OR7D2: variants seen among roughly 807,000 people sequenced by gnomAD.
OR7D2 encodes olfactory receptor 7D2.
For synonymous variants in OR7D2, 158 were observed against 158.7 expected, an observed-to-expected ratio of 1.00 and a Z score of 0.03; for missense variants, 370 against 384.1, an observed-to-expected ratio of 0.96 and a Z score of 0.31.
chr19:9,184,647 C>G (rs188181425), intron 2 of OR7D2, among the ~76,000 whole-genome samples: 260 of 152,150 alleles, frequency 1.7e-3, no homozygotes, highest in African/African-American at 6.2e-3. Flanking sequence ...GATATGGAAA[C>G]AACCTAAGTG....
At chr19:9,184,119 T>C (rs1447265295) in intron 2 of OR7D2, among the ~76,000 whole-genome samples, 2 of 148,068 alleles carry the variant, frequency 1.4e-5, no homozygotes, top group Non-Finnish European at 3.0e-5. Context: ...AGAGGCCGGG[T>C]GTGGTGGCTT....
chr19:9,181,428 T>C (rs939100451), intron 2 of OR7D2, among the ~76,000 whole-genome samples: 1 of 149,172 alleles, frequency 6.7e-6, no homozygotes, highest in Non-Finnish European at 1.5e-5. Context: ...TCCTTTAATC[T>C]GGAACATTTC....
chr19:9,186,278 T>G lies in OR7D2; in HGVS notation c.497T>G (p.Leu166Arg). The change falls in exon 3 of 3, where the codon CTA (leucine) becomes CGA (arginine). Residue 166 changes from leucine (L) to arginine (R), a missense_variant. Transcript: ENST00000641288. Reference protein sequence around the residue: ...SLLHISLMMHLIFCKDFEIPH... With the variant: ...SLLHISLMMHRIFCKDFEIPH... ...CTCCATATTTCTCTGATGATGCATC[T>G]AATCTTCTGTAAAGATTTTGAAATT... The G allele has an allele frequency of 6.2e-7, 1 of 1,614,130 alleles. No individual in the cohort carries two copies. The highest frequency in any genetic ancestry group is 1.1e-5 in the South Asian group (1 of 91,076).
At chr19:9,182,488 C>CTTTATTTATTTA (rs145113847) in intron 2 of OR7D2, 13,985 of 226,704 alleles carry the variant, frequency 0.062, 719 homozygotes, top group Non-Finnish European at 0.065. Flanking sequence ...TACATGCATA[C>CTTTATTTATTTA]TTTATTTATT....
chr19:9,183,250 C>T (rs942480455), intron 2 of OR7D2, among the ~76,000 whole-genome samples: 3 of 152,098 alleles, frequency 2.0e-5, no homozygotes, highest in Non-Finnish European at 4.4e-5. Flanking sequence ...GGGTCAGAGC[C>T]GCTTTCTGTG....
At chr19:9,184,160 C>T (rs998340430) in intron 2 of OR7D2, among the ~76,000 whole-genome samples, 6 of 151,730 alleles carry the variant, frequency 4.0e-5, no homozygotes, top group Non-Finnish European at 7.4e-5. Flanking sequence ...TTTGGGAGGC[C>T]AAGGCGGGTG....
At position 9,186,918 on chromosome 19, in the gene OR7D2, G is replaced by A; in HGVS notation, c.*198G>A. 2.1e-6 allele frequency: 1 copy of A among 467,572 alleles called. No individual in the cohort carries two copies. The highest frequency in any genetic ancestry group is 3.5e-5 in the East Asian group (1 of 28,394). The allele number at this position is 467,572 out of a possible 1,614,324, so 29.0% of individuals were successfully genotyped here. A position where few individuals can be genotyped will look rare whatever the true frequency, so the allele number is the denominator to read the frequency against. ...CAATTACCTGAATAGTGAACATAAG[G>A]CACTTTTTTTTCTTTTTTGAGACGG... On this transcript the variant is annotated 3_prime_UTR_variant, in exon 3 of 3. Transcript: ENST00000641288.
intron 2 of OR7D2, 152 bp from the exon 3 acceptor site, chr19:9,185,616 CT>C: frequency 2.4e-6 from 1 of 411,866 alleles, no homozygotes; most frequent in Non-Finnish European, 4.3e-6. Context: ...ACAGTTCTCC[CT>C]CTATTGCCCA....
In OR7D2 at chr19:9,184,275, G is replaced by A. The variant is rs575006568; in HGVS notation, c.-13-1494G>A. Among the ~76,000 whole-genome samples, 11 of 152,058 alleles carry A rather than the reference G, an allele frequency of 7.2e-5. No homozygotes were observed. The East Asian group carries it at 1.7e-3, about 24-fold the overall frequency. ...CAAAAAATACAAAAATTAGCTAGGCGTGGTGGCACATACCTGTAATCCCAG... is the reference window on the plus strand; with the variant it reads ...CAAAAAATACAAAAATTAGCTAGGCATGGTGGCACATACCTGTAATCCCAG... On this transcript the variant is annotated intron_variant, in intron 2 of 2. Transcript: ENST00000641288.
chr19:9,185,726 G>A (rs2051025267), intron 2 of OR7D2, 43 bp from the exon 3 acceptor site: 2 of 1,243,716 alleles, frequency 1.6e-6, no homozygotes, highest in Admixed American at 2.3e-5. Context: ...TGGGACTACA[G>A]GTGTCCACCA....
At position 9,186,359 on chromosome 19, in the gene OR7D2, T is replaced by C; in HGVS notation, c.578T>C (p.Phe193Ser). 1.9e-6 allele frequency: 3 copies of C among 1,614,048 alleles called. No individual in the cohort carries two copies. Among genetic ancestry groups the C allele is most frequent in the Non-Finnish European group, 2.5e-6 (3 of 1,179,984 alleles). Residue 193 changes from phenylalanine (F) to serine (S), a missense_variant, in exon 3 of 3, where the codon TTC (phenylalanine) becomes TCC (serine). By Grantham distance (155) the Phe-to-Ser change is radical. Transcript: ENST00000641288. ...CTCCAGCTGGCCTGCTCTGATACCT[T>C]CCTGAACAGCACGTTGATATACTTT... ...YILQLACSDTFLNSTLIYFMT... is the reference protein window; with the variant it reads ...YILQLACSDTSLNSTLIYFMT...
chr19:9,186,013 G>A lies in OR7D2; in HGVS notation c.232G>A (p.Val78Ile), dbSNP rs372916025. The change falls in exon 3 of 3, where the codon GTC (valine) becomes ATC (isoleucine). Residue 78 changes from valine (V) to isoleucine (I), a missense_variant. Coordinates refer to ENST00000641288, the MANE Select transcript of OR7D2 (RefSeq NM_175883.4). The stretch of plus-strand genomic sequence containing the variant: ...TGACATCTGTTTCAGCACTTGCATC[G>A]TCCCCAAGATGCTGGTGAACATCCA... Reference protein sequence around the residue: ...WVDICFSTCIVPKMLVNIQTE... With the variant: ...WVDICFSTCIIPKMLVNIQTE... 32 of 1,613,728 alleles carry A rather than the reference G, an allele frequency of 2.0e-5. No homozygotes were observed. Among genetic ancestry groups the A allele is most frequent in the South Asian group, 2.2e-5 (2 of 91,070 alleles).
rs540001868 is a variant in OR7D2, at chr19:9,183,886, G to A, written c.-13-1883G>A. Among the ~76,000 whole-genome samples, 350 of 141,814 alleles carry A rather than the reference G, an allele frequency of 2.5e-3. 1 individual carries two copies. Among genetic ancestry groups the A allele is most frequent in the African/African-American group, 8.6e-3 (338 of 39,330 alleles). The allele number at this position is 141,814 out of a possible 152,430, so 93.0% of individuals were successfully genotyped here. A position where few individuals can be genotyped will look rare whatever the true frequency, so the allele number is the denominator to read the frequency against. On this transcript the variant is annotated intron_variant, in intron 2 of 2. Coordinates refer to ENST00000641288, the MANE Select transcript of OR7D2 (RefSeq NM_175883.4). ...GCAGGAGAATGGCGTGAACCCCAGG[G>A]GGCGGAGCCTGCAGTGAGCCGAGAT...
rs148063330 is a variant in OR7D2, at chr19:9,186,527, CT to C, written c.749del (p.Leu250TyrfsTer15). The C allele has an allele frequency of 3.9e-4, 613 of 1,591,648 alleles. 2 individuals are homozygous for C. The African/African-American group carries it at 7.0e-3, about 18-fold the overall frequency. On this transcript the variant is annotated frameshift_variant, in exon 3 of 3. Coordinates refer to ENST00000641288, the MANE Select transcript of OR7D2 (RefSeq NM_175883.4). LOFTEE classifies it low-confidence loss of function (END_TRUNC). ...TGTGGGTCTCACCTCTCCGTCGTTTCTTTATTTTATGGGACAGGCATTGGGG... is the reference window on the plus strand; with the variant it reads ...TGTGGGTCTCACCTCTCCGTCGTTTCTTATTTTATGGGACAGGCATTGGGG... Reference protein sequence around the residue: ...STCGSHLSVVSLFYGTGIGVH... With the variant: ...STCGSHLSVVXLFYGTGIGVH...
intron 2 of OR7D2, among the ~76,000 whole-genome samples, chr19:9,181,367 A>G (rs1335125828): frequency 6.6e-6 from 1 of 151,098 alleles, no homozygotes; most frequent in Non-Finnish European, 1.5e-5. Flanking sequence ...ATCTATAGCA[A>G]AAGAAAGACT....
Position 9,186,499 on chromosome 19 carries a change from AC to A in OR7D2, c.720del (p.Cys241ValfsTer24), listed in dbSNP as rs1407836625. ...TGGGGGAAAACAAAAAGCACTTTCC[AC>A]CTGTGGGTCTCACCTCTCCGTCGTT... ...SSGGKQKALS[T>X]CGSHLSVVSL... On this transcript the variant is annotated frameshift_variant, in exon 3 of 3. Transcript: ENST00000641288. LOFTEE classifies it low-confidence loss of function (END_TRUNC). 2 of 1,614,066 alleles carry A rather than the reference AC, an allele frequency of 1.2e-6. No individual in the cohort carries two copies.
intron 2 of OR7D2, among the ~76,000 whole-genome samples, chr19:9,184,739 A>T (rs56010841): frequency 0.24 from 36,043 of 151,864 alleles, 4,803 homozygotes; most frequent in South Asian, 0.3. Flanking sequence ...TTGTGTATAT[A>T]TATTCCATTG....
At position 9,186,776 on chromosome 19, in the gene OR7D2, T is replaced by C; in HGVS notation, c.*56T>C. 8.3e-7 allele frequency: 1 copy of C among 1,202,138 alleles called. No individual in the cohort carries two copies. Among genetic ancestry groups the C allele is most frequent in the Non-Finnish European group, 1.2e-6 (1 of 854,978 alleles). The allele number at this position is 1,202,138 out of a possible 1,614,324, so 74.5% of individuals were successfully genotyped here. ...TTGTGAGCACCAATGGCAAAAATGTTTTATTTTGAAATTCTTACTCTTTAA... is the reference window on the plus strand; with the variant it reads ...TTGTGAGCACCAATGGCAAAAATGTCTTATTTTGAAATTCTTACTCTTTAA... On this transcript the variant is annotated 3_prime_UTR_variant, in exon 3 of 3. Coordinates refer to ENST00000641288, the MANE Select transcript of OR7D2 (RefSeq NM_175883.4).
At chr19:9,183,776 T>C (rs1358582879) in intron 2 of OR7D2, among the ~76,000 whole-genome samples, 1 of 145,230 alleles carries the variant, frequency 6.9e-6, no homozygotes, top group African/African-American at 2.5e-5. Context: ...GCTAACACGG[T>C]GAAACCCCGT....
Sources: allele counts gnomAD v4.1 joint callset (sites outside exome capture counted in the v4.1 genomes callset), GRCh38; gene constraint gnomAD v4.1.1; transcripts MANE v1.5; gene names NCBI Gene and HGNC (gene_info 2026-07-23, HGNC 2026-07-21).